REPS2: variants seen among roughly 807,000 people sequenced by gnomAD.
The protein encoded by REPS2 is ralBP1-associated Eps domain-containing protein 2.
REPS2 carries 23 observed loss-of-function variants against 53.6 expected under a neutral mutation model. That is an observed-to-expected ratio of 0.43 (90% CI 0.31 to 0.61). REPS2 has a LOEUF of 0.61. REPS2 is among the 20% of genes least tolerant of loss of function. The pLI is 0.11. For missense variants in REPS2, 446 were observed against 534.9 expected (o/e 0.83, Z 1.64); for synonymous variants, 238 against 218.6 (o/e 1.09, Z -0.78).
chrX:17,018,498 A>C (rs1352244364), intron 2 of REPS2, among the ~76,000 whole-genome samples: 1 of 109,825 alleles, frequency 9.1e-6, no homozygotes, highest in Non-Finnish European at 1.9e-5. Flanking sequence ...CTGCCCATCT[A>C]CTTTCTGGTT....
At chrX:16,990,110 G>T (rs774495150) in intron 1 of REPS2, among the ~76,000 whole-genome samples, 5 of 112,334 alleles carry the variant, frequency 4.5e-5, no homozygotes, top group African/African-American at 1.6e-4. Context: ...CAGTAAAAAG[G>T]AGTGAAGTAC....
At position 17,025,040 on chromosome X, in the gene REPS2, C is replaced by T. The variant is rs1393838868; in HGVS notation, c.547-19C>T. 8.3e-7 allele frequency: 1 copy of T among 1,212,059 alleles called. No individual in the cohort carries two copies. Among genetic ancestry groups the T allele is most frequent in the African/African-American group, 1.7e-5 (1 of 57,887 alleles). On this transcript the variant is annotated intron_variant, in intron 3 of 17. Coordinates refer to ENST00000357277, the MANE Select transcript of REPS2 (RefSeq NM_004726.3). ...AGGCTTGAGTGAGCGCCTCTGAACT[C>T]TGATCTGGTTCTTTGAAGCAGGAAA...
At chrX:17,136,946 T>C (rs1382011950) in intron 16 of REPS2, 1 of 112,721 alleles carries the variant, frequency 8.9e-6, no homozygotes, top group Non-Finnish European at 1.9e-5. Context: ...TCAAGGTTTA[T>C]CCAAGTTGTA....
chrX:17,066,548 TTGTC>T (rs1057083634), intron 9 of REPS2, among the ~76,000 whole-genome samples: 1 of 112,570 alleles, frequency 8.9e-6, no homozygotes, highest in African/African-American at 3.2e-5. Flanking sequence ...TTATGATACA[TTGTC>T]TGTTCTATTG....
intron 1 of REPS2, among the ~76,000 whole-genome samples, chrX:16,981,625 TCTGGATCCA>T (rs2147730232): frequency 8.9e-6 from 1 of 112,453 alleles, no homozygotes; most frequent in South Asian, 3.7e-4. Flanking sequence ...CATCTGTGAT[TCTGGATCCA>T]CTACCTTCTT....
intron 2 of REPS2, among the ~76,000 whole-genome samples, chrX:17,012,644 G>A (rs936126282): frequency 9.1e-6 from 1 of 110,496 alleles, no homozygotes; most frequent in Non-Finnish European, 1.9e-5. Flanking sequence ...CATGATTCAT[G>A]TAGTCTTTGG....
At chrX:17,191,781 A>G in the REPS2 span, among the ~76,000 whole-genome samples, 1 of 112,715 alleles carries the variant, frequency 8.9e-6, no homozygotes, top group Non-Finnish European at 1.9e-5. Flanking sequence ...CCCAAAGGCA[A>G]CATACTGTGT....
Position 17,061,441 on chromosome X carries a change from A to G in REPS2, c.1115-997A>G, listed in dbSNP as rs187659815. ...AGGTGTGAGCCACCATGCCTGGCCA[A>G]TGGCCAGTACTTTACTGCAGAAGGA... On this transcript the variant is annotated intron_variant, in intron 8 of 17. Transcript: ENST00000357277. Among the ~76,000 whole-genome samples, 13 of 112,059 alleles carry G rather than the reference A, an allele frequency of 1.2e-4. No homozygotes were observed. The East Asian group carries it at 3.4e-3, about 29-fold the overall frequency.
chrX:17,010,933 A>G (rs2061421461), intron 2 of REPS2, among the ~76,000 whole-genome samples: 3 of 111,954 alleles, frequency 2.7e-5, no homozygotes, highest in African/African-American at 9.8e-5. Flanking sequence ...CAGAAATTCT[A>G]ATTTCATATA....
chrX:17,095,643 T>C (rs1289805679), intron 13 of REPS2, among the ~76,000 whole-genome samples: 2 of 110,275 alleles, frequency 1.8e-5, no homozygotes, highest in African/African-American at 6.6e-5. Context: ...ATATAAGGCA[T>C]AGCTACTACA....
At position 16,946,691 on chromosome X, in the gene REPS2, C is replaced by T. The variant is rs1180906060; in HGVS notation, c.-171C>T. On this transcript the variant is annotated 5_prime_UTR_variant, in exon 1 of 18. Transcript: ENST00000357277. Reference sequence around the variant, plus strand: ...AGCCCGGGGGTGGGGCCGGCGCGCGCCGGGAGGAAGCGGCCGCGCGGCAGC... The same window carrying T: ...AGCCCGGGGGTGGGGCCGGCGCGCGTCGGGAGGAAGCGGCCGCGCGGCAGC... 1 of 464,005 alleles carries T rather than the reference C, an allele frequency of 2.2e-6. No individual in the cohort carries two copies. Among genetic ancestry groups the T allele is most frequent in the Non-Finnish European group, 2.6e-6 (1 of 379,771 alleles). 38.2% of individuals were successfully genotyped at this position (464,005 alleles called of 1,213,427 possible).
At chrX:17,133,393 C>G (rs1301892628) in intron 14 of REPS2, among the ~76,000 whole-genome samples, 1 of 111,933 alleles carries the variant, frequency 8.9e-6, no homozygotes, top group Non-Finnish European at 1.9e-5. Flanking sequence ...CTTCTTCACA[C>G]TGCTCATAGA....
At chrX:17,103,898 C>G in intron 14 of REPS2, 119 bp downstream of exon 14, 1 of 642,009 alleles carries the variant, frequency 1.6e-6, no homozygotes, top group Non-Finnish European at 2.5e-6. Context: ...CAAGCTGATA[C>G]CCTGTGAAGA....
At chrX:17,110,537 CA>C (rs2062949981) in intron 14 of REPS2, among the ~76,000 whole-genome samples, 1 of 99,359 alleles carries the variant, frequency 1.0e-5, no homozygotes. Context: ...AAAAAAAAAA[CA>C]AAAATTAGCC....
At chrX:17,023,967 C>CTA (rs922805708) in intron 3 of REPS2, among the ~76,000 whole-genome samples, 3 of 110,618 alleles carry the variant, frequency 2.7e-5, no homozygotes, top group Non-Finnish European at 5.7e-5. Flanking sequence ...CTAAGGGAGC[C>CTA]TATATATATA....
At position 17,151,905 on chromosome X, in the gene REPS2, T is replaced by C. The variant is rs1182868224; in HGVS notation, c.*4424T>C. Reference sequence around the variant, plus strand: ...TTTTTTGTATCATGACTCAGTATGGTTCAATTTCCTAGTAAGAAGTGGGGA... The same window carrying C: ...TTTTTTGTATCATGACTCAGTATGGCTCAATTTCCTAGTAAGAAGTGGGGA... On this transcript the variant is annotated 3_prime_UTR_variant, in exon 18 of 18. Coordinates refer to ENST00000357277, the MANE Select transcript of REPS2 (RefSeq NM_004726.3). The C allele has an allele frequency of 2.7e-5, 3 of 109,174 alleles. No individual in the cohort carries two copies. The highest frequency in any genetic ancestry group is 1.0e-4 in the African/African-American group (3 of 29,860). 9.0% of individuals were successfully genotyped at this position (109,174 alleles called of 1,213,427 possible).
chrX:17,005,123 A>G (rs1465652903), intron 1 of REPS2, among the ~76,000 whole-genome samples: 1 of 111,492 alleles, frequency 9.0e-6, no homozygotes, highest in Non-Finnish European at 1.9e-5. Context: ...TAATGTATAT[A>G]TTCACAATAA....
chrX:16,953,231 A>G (rs2147606243), intron 1 of REPS2, among the ~76,000 whole-genome samples: 1 of 112,245 alleles, frequency 8.9e-6, no homozygotes, highest in South Asian at 3.7e-4. Flanking sequence ...GAATGCCAGC[A>G]GATGTAGGAA....
At chrX:17,041,885 T>C (rs1348168490) in intron 5 of REPS2, among the ~76,000 whole-genome samples, 1 of 112,272 alleles carries the variant, frequency 8.9e-6, no homozygotes, top group Non-Finnish European at 1.9e-5. Flanking sequence ...ATTTTTAAGA[T>C]AGTTTGATAG....
Sources: allele counts gnomAD v4.1 joint callset (sites outside exome capture counted in the v4.1 genomes callset), GRCh38; gene constraint gnomAD v4.1.1; transcripts MANE v1.5; gene names NCBI Gene and HGNC (gene_info 2026-07-23, HGNC 2026-07-21).